Variants in ZNF76 observed in about 807,000 individuals in gnomAD.
ZNF76 encodes zinc finger protein 523.
Under a neutral mutation model 66.9 loss-of-function variants are expected in ZNF76, and 66 were observed. The observed-to-expected ratio is 0.99, with a 90% CI of 0.81 to 1.21. The LOEUF (loss-of-function observed/expected upper bound fraction) is 1.21, where lower values mean the gene tolerates loss of function less well. Ranked by LOEUF, ZNF76 falls within the 50% of genes most tolerant of loss-of-function variation. The probability of loss-of-function intolerance (pLI) is 0.00; values close to 1 mark genes in which losing one functional copy is unlikely to be tolerated. For synonymous variants in ZNF76, 275 were observed against 296.1 expected, an observed-to-expected ratio of 0.93 and a Z score of 0.73; for missense variants, 729 against 760.3, an observed-to-expected ratio of 0.96 and a Z score of 0.48.
intron 7 of ZNF76, 118 bp from the exon 8 acceptor site, chr6:35,291,160 G>T: frequency 1.4e-6 from 2 of 1,382,500 alleles, no homozygotes; most frequent in East Asian, 2.5e-5. Flanking sequence ...GGGTGGGATA[G>T]AGGCAGACAT....
intron 1 of ZNF76, among the ~76,000 whole-genome samples, chr6:35,262,546 C>T (rs1402142397): frequency 2.0e-5 from 3 of 152,128 alleles, no homozygotes; most frequent in African/African-American, 7.2e-5. Context: ...ACCCCAAATC[C>T]TTTCATCTTG....
rs1791051631 is a variant in ZNF76 at position 35,295,376 on chromosome 6, C to G, written c.*128C>G. 2.4e-6 allele frequency: 2 copies of G among 819,658 alleles called. No individual in the cohort carries two copies. Among genetic ancestry groups the G allele is most frequent in the Non-Finnish European group, 4.0e-6 (2 of 494,284 alleles). 50.8% of individuals were successfully genotyped at this position (819,658 alleles called of 1,614,324 possible). On this transcript the variant is annotated 3_prime_UTR_variant, in exon 14 of 14. Coordinates refer to ENST00000373953, the MANE Select transcript of ZNF76 (RefSeq NM_003427.5). Reference sequence around the variant, plus strand: ...CACATAGGTCTCTGGGGTGAGAAGACAGCAAGAAAACTGCCTAACTGAAGG... The same window carrying G: ...CACATAGGTCTCTGGGGTGAGAAGAGAGCAAGAAAACTGCCTAACTGAAGG...
intron 2 of ZNF76, among the ~76,000 whole-genome samples, chr6:35,282,365 A>T (rs536821732): frequency 7.2e-6 from 1 of 139,418 alleles, no homozygotes; most frequent in South Asian, 2.2e-4. Flanking sequence ...CCAAGTTCTA[A>T]AAAAAAAAAA....
At chr6:35,273,073 T>C (rs1787349233) in intron 1 of ZNF76, among the ~76,000 whole-genome samples, 1 of 151,312 alleles carries the variant, frequency 6.6e-6, no homozygotes, top group Non-Finnish European at 1.5e-5. Flanking sequence ...GGAGAATCGC[T>C]TGAACCCAGG....
rs1189334374 is a variant in ZNF76 at position 35,292,143 on chromosome 6, T to G, written c.931+406T>G. 1 of 404,888 alleles carries G rather than the reference T, an allele frequency of 2.5e-6. No individual in the cohort carries two copies. Among genetic ancestry groups the G allele is most frequent in the Admixed American group, 3.7e-5 (1 of 27,054 alleles). 25.1% of individuals were successfully genotyped at this position (404,888 alleles called of 1,614,324 possible). The stretch of plus-strand genomic sequence containing the variant: ...TGTATCCTCACCCTCCCCAGTGTTA[T>G]GCCCCTCATCCAGCTTTCTGTGTTG... On this transcript the variant is annotated intron_variant, in intron 9 of 13. Transcript: ENST00000373953. This position sits in a 1 kb window ranked among gnomAD's most constrained non-coding sequence, Gnocchi z 4.7.
chr6:35,278,903 C>T (rs376650428), intron 1 of ZNF76, among the ~76,000 whole-genome samples: 4 of 152,286 alleles, frequency 2.6e-5, no homozygotes, highest in East Asian at 1.9e-4. Context: ...ACCACTGTGA[C>T]GCAGAAACCA....
In ZNF76 at chr6:35,286,184, A is replaced by C. The variant is rs1582151371; in HGVS notation, c.130A>C (p.Ile44Leu). 1.2e-6 allele frequency: 2 copies of C among 1,614,050 alleles called. No individual in the cohort carries two copies. The highest frequency in any genetic ancestry group is 1.3e-5 in the African/African-American group (1 of 74,902). The change falls in exon 3 of 14, where the codon ATT becomes CTT. Residue 44 changes from isoleucine (I) to leucine (L), a missense_variant. Transcript: ENST00000373953. ...GCTCGAGGATGGGACCACCGCATAC[A>C]TTCACCAGGTGACGGTACAGAAAGG... ...IQLEDGTTAY[I>L]HQVTVQKEAL...
rs770486131 is a variant in ZNF76 at position 35,293,732 on chromosome 6, C to A, written c.1330-19C>A. Reference sequence around the variant, plus strand: ...CCCTCCACTGACACTGCCAGCTCATCTTCCCCTCCTGTTGGCAGGTCAGCC... The same window carrying A: ...CCCTCCACTGACACTGCCAGCTCATATTCCCCTCCTGTTGGCAGGTCAGCC... On this transcript the variant is annotated intron_variant, in intron 11 of 13. Transcript: ENST00000373953. The A allele has an allele frequency of 2.5e-6, 4 of 1,612,168 alleles. No homozygotes were observed. Among genetic ancestry groups the A allele is most frequent in the Non-Finnish European group, 3.4e-6 (4 of 1,178,758 alleles).
In ZNF76 at chr6:35,292,849, A is replaced by G; in HGVS notation, c.1166-32A>G. 3.7e-6 allele frequency: 6 copies of G among 1,613,870 alleles called. No individual in the cohort carries two copies. Among genetic ancestry groups the G allele is most frequent in the Non-Finnish European group, 5.1e-6 (6 of 1,179,818 alleles). Reference sequence around the variant, plus strand: ...GCCAGGCCTCCCCATGGCATCTGGTAGCAGATGTCAGCCTTGGCTCTCCTC... The same window carrying G: ...GCCAGGCCTCCCCATGGCATCTGGTGGCAGATGTCAGCCTTGGCTCTCCTC... On this transcript the variant is annotated intron_variant, in intron 10 of 13. Coordinates refer to ENST00000373953, the MANE Select transcript of ZNF76 (RefSeq NM_003427.5). This position sits in a 1 kb window ranked among gnomAD's most constrained non-coding sequence, Gnocchi z 4.7.
At chr6:35,268,090 C>G (rs1786422964) in intron 1 of ZNF76, among the ~76,000 whole-genome samples, 1 of 152,182 alleles carries the variant, frequency 6.6e-6, no homozygotes. Flanking sequence ...AGCTATGTAA[C>G]CTAGTAGTAT....
chr6:35,290,023 A>G (rs565536861), intron 5 of ZNF76, among the ~76,000 whole-genome samples: 1 of 152,160 alleles, frequency 6.6e-6, no homozygotes, highest in African/African-American at 2.4e-5. Flanking sequence ...CGTCACAGCC[A>G]CTATGACCTG....
At chr6:35,266,606 A>C (rs895634145) in intron 1 of ZNF76, among the ~76,000 whole-genome samples, 1 of 151,828 alleles carries the variant, frequency 6.6e-6, no homozygotes, top group Non-Finnish European at 1.5e-5. Flanking sequence ...GGAAATGTCT[A>C]CTCTCAGGAA....
intron 1 of ZNF76, among the ~76,000 whole-genome samples, chr6:35,266,758 C>T (rs1439030793): frequency 6.7e-6 from 1 of 149,878 alleles, no homozygotes; most frequent in Admixed American, 6.6e-5. Flanking sequence ...GTCTCTTCAT[C>T]TGCAAAATGA....
rs1790572169 is a variant in ZNF76, at chr6:35,292,620, A to G, written c.998A>G (p.Tyr333Cys). 1 of 1,614,028 alleles carries G rather than the reference A, an allele frequency of 6.2e-7. No individual in the cohort carries two copies. The highest frequency in any genetic ancestry group is 8.5e-7 in the Non-Finnish European group (1 of 1,180,034). Residue 333 changes from tyrosine to cysteine, a missense_variant, in exon 10 of 14, where the codon TAT becomes TGT. Tyr to Cys is a radical substitution (Grantham distance 194). Transcript: ENST00000373953. The surrounding 1 kb of genome is among the most constrained non-coding windows in gnomAD (Gnocchi z 4.7). ...GKRFTEYSSL[Y>C]KHHVVHTHCK... ...CGCTTCACCGAGTACTCGAGCTTGT[A>G]TAAGCACCACGTGGTGCACACACAC... is the stretch of plus-strand genomic sequence containing the variant.
chr6:35,280,969 G>T, intron 1 of ZNF76, 87 bp from the exon 2 acceptor site: 1 of 630,658 alleles, frequency 1.6e-6, no homozygotes, highest in African/African-American at 1.8e-5. Context: ...CTTCTTGGCT[G>T]GCTGGCCTCA....
At chr6:35,278,023 AT>A (rs1163683807) in intron 1 of ZNF76, among the ~76,000 whole-genome samples, 2 of 151,434 alleles carry the variant, frequency 1.3e-5, no homozygotes, top group African/African-American at 4.9e-5. Context: ...CGCCCGGCTA[AT>A]TTTTTGTATT....
chr6:35,282,954 A>G (rs1035712529), intron 2 of ZNF76, among the ~76,000 whole-genome samples: 4 of 152,090 alleles, frequency 2.6e-5, no homozygotes, highest in Non-Finnish European at 5.9e-5. Flanking sequence ...TGAAGCCTGA[A>G]ACTCTCTGTT....
At chr6:35,291,993 C>G (rs959893090) in intron 9 of ZNF76, 11 of 562,816 alleles carry the variant, frequency 2.0e-5, no homozygotes, top group Non-Finnish European at 2.9e-5. Flanking sequence ...CCCCTCTACA[C>G]CCACCCTGAG....
chr6:35,294,228 G>T, intron 12 of ZNF76: 1 of 585,506 alleles, frequency 1.7e-6, no homozygotes, highest in Non-Finnish European at 3.0e-6. Flanking sequence ...ATTTTTTACA[G>T]CTCTGTCCTT....
Sources: gnomAD v4.1 joint callset for allele counts (sites outside exome capture counted in the v4.1 genomes callset) on GRCh38, gnomAD v4.1.1 for gene constraint, Gnocchi (gnomAD v3.1) non-coding constraint, MANE v1.5 for transcripts, NCBI Gene and HGNC (gene_info 2026-07-23, HGNC 2026-07-21) for gene names.